The following SLC25A48 variants were observed in gnomAD, a reference collection of about 807,000 sequenced individuals.
The protein encoded by SLC25A48 is solute carrier family 25 member 48, also known as CTC-321K16.1.
In SLC25A48, 29 loss-of-function variants were observed where a neutral mutation model predicts 32.2. The observed-to-expected ratio is 0.90, with a 90% CI of 0.67 to 1.23. The LOEUF is 1.23. SLC25A48 is among the 50% of genes most tolerant of loss of function. The probability of loss-of-function intolerance (pLI) is 0.00; values close to 1 mark genes in which losing one functional copy is unlikely to be tolerated. For synonymous variants in SLC25A48, 164 were observed against 172.3 expected, an observed-to-expected ratio of 0.95 and a Z score of 0.38; for missense variants, 399 against 422.7, an observed-to-expected ratio of 0.94 and a Z score of 0.49.
At chr5:135,836,358 CTT>C (rs10710326) in intron 1 of SLC25A48, among the ~76,000 whole-genome samples, 7,954 of 145,452 alleles carry the variant, frequency 0.055, 432 homozygotes, top group African/African-American at 0.14. Context: ...AATAACATGG[CTT>C]TTTTTTTTTT....
intron 3 of SLC25A48, among the ~76,000 whole-genome samples, chr5:135,748,677 A>G (rs557808030): frequency 6.5e-4 from 99 of 151,866 alleles, no homozygotes; most frequent in African/African-American, 2.2e-3. Flanking sequence ...TTCTGACCAC[A>G]GGATCTTTTT....
At chr5:135,759,915 C>T (rs922715590) in intron 3 of SLC25A48, among the ~76,000 whole-genome samples, 5 of 151,734 alleles carry the variant, frequency 3.3e-5, no homozygotes, top group African/African-American at 7.3e-5. Flanking sequence ...CTGCAACCTC[C>T]GCCTCCCAGG....
intron 3 of SLC25A48, among the ~76,000 whole-genome samples, chr5:135,653,238 G>T (rs1400998069): frequency 6.6e-6 from 1 of 152,202 alleles, no homozygotes; most frequent in East Asian, 1.9e-4. Flanking sequence ...CAAGGCCACT[G>T]AATCAAAAGG....
intron 3 of SLC25A48, among the ~76,000 whole-genome samples, chr5:135,651,886 G>A (rs1753122395): frequency 6.6e-6 from 1 of 152,174 alleles, no homozygotes; most frequent in Non-Finnish European, 1.5e-5. Context: ...TGGAAGATTA[G>A]TGATAATAAA....
At chr5:135,710,069 C>T (rs1320340613) in intron 3 of SLC25A48, among the ~76,000 whole-genome samples, 1 of 152,192 alleles carries the variant, frequency 6.6e-6, no homozygotes, top group African/African-American at 2.4e-5. Context: ...CCAATATAAG[C>T]TGGTAAAAGC....
At chr5:135,819,840 A>G (rs1209796245) in intron 4 of SLC25A48, among the ~76,000 whole-genome samples, 1 of 152,234 alleles carries the variant, frequency 6.6e-6, no homozygotes, top group Non-Finnish European at 1.5e-5. Context: ...GCTCAACATC[A>G]TTAGTCATCA....
Position 135,879,950 on chromosome 5 carries a change from C to A in SLC25A48, c.814-18C>A, listed in dbSNP as rs1239153426. 1.3e-6 allele frequency: 2 copies of A among 1,536,186 alleles called. No homozygotes were observed. The highest frequency in any genetic ancestry group is 2.4e-5 in the South Asian group (2 of 84,050). ...AGTGTGGGTCAGTCCCCTGCAATAA[C>A]CTGGCCCCTGTGCAAAGGTGTTTTT... On this transcript the variant is annotated intron_variant, in intron 6 of 7. Transcript: ENST00000681962.
intron 3 of SLC25A48, among the ~76,000 whole-genome samples, chr5:135,727,665 TTC>T (rs1012595107): frequency 6.6e-6 from 1 of 152,220 alleles, no homozygotes; most frequent in Non-Finnish European, 1.5e-5. Flanking sequence ...AAAGACTATC[TTC>T]TCTCTGTTGA....
intron 3 of SLC25A48, among the ~76,000 whole-genome samples, chr5:135,655,389 T>C (rs958616156): frequency 6.6e-6 from 1 of 152,158 alleles, no homozygotes; most frequent in Middle Eastern, 3.2e-3. Context: ...AAAAGTTAAG[T>C]AGCTAGAAAA....
chr5:135,682,668 T>C (rs1168522617), intron 3 of SLC25A48, among the ~76,000 whole-genome samples: 1 of 152,156 alleles, frequency 6.6e-6, no homozygotes, highest in Non-Finnish European at 1.5e-5. Flanking sequence ...AAAAAAGGGC[T>C]GCTGGGTGGG....
chr5:135,580,861 GC>G (rs1189422321), intron 1 of SLC25A48, among the ~76,000 whole-genome samples: 1 of 152,082 alleles, frequency 6.6e-6, no homozygotes, highest in Admixed American at 6.5e-5. Context: ...TTAATAACCT[GC>G]TTGCTATACC....
intron 4 of SLC25A48, among the ~76,000 whole-genome samples, chr5:135,867,776 T>C (rs1275917172): frequency 1.3e-5 from 2 of 152,202 alleles, no homozygotes; most frequent in Non-Finnish European, 2.9e-5. Context: ...ATATTTATGC[T>C]TGGAATTATA....
At chr5:135,768,524 A>G (rs1260591829) in intron 3 of SLC25A48, among the ~76,000 whole-genome samples, 1 of 151,588 alleles carries the variant, frequency 6.6e-6, no homozygotes, top group African/African-American at 2.4e-5. Flanking sequence ...GGGGAGGATA[A>G]TATTACTCTT....
At chr5:135,643,482 C>G (rs540685976) in intron 3 of SLC25A48, among the ~76,000 whole-genome samples, 67 of 152,306 alleles carry the variant, frequency 4.4e-4, no homozygotes, top group African/African-American at 1.6e-3. Context: ...CATCACTGCA[C>G]AGAAGAGCAT....
intron 1 of SLC25A48, among the ~76,000 whole-genome samples, chr5:135,582,857 C>T (rs529569109): frequency 2.6e-4 from 40 of 152,328 alleles, no homozygotes; most frequent in African/African-American, 9.6e-4. Context: ...ATTCACCATC[C>T]AGTTCTAATC....
chr5:135,767,043 C>T (rs1215166782), intron 3 of SLC25A48, among the ~76,000 whole-genome samples: 1 of 151,658 alleles, frequency 6.6e-6, no homozygotes, highest in African/African-American at 2.4e-5. Flanking sequence ...GTGTACATCC[C>T]CCTGTGATAT....
rs575163366 is a variant in SLC25A48 at position 135,664,395 on chromosome 5, C to T, written c.-521+29439C>T. Among the ~76,000 whole-genome samples the T allele has an allele frequency of 1.3e-3, 203 of 152,262 alleles. 1 individual carries two copies. Among genetic ancestry groups the T allele is most frequent in the African/African-American group, 4.7e-3 (196 of 41,556 alleles). On this transcript the variant is annotated intron_variant, in intron 3 of 10. Coordinates refer to the SLC25A48 transcript ENST00000646290. ...CTGCATTCCAGTGGTGAGCATGGAC[C>T]GATCTAGAATGGACCTTCTGTTGTA...
At chr5:135,749,237 T>C (rs1755713641) in intron 3 of SLC25A48, among the ~76,000 whole-genome samples, 1 of 151,672 alleles carries the variant, frequency 6.6e-6, no homozygotes, top group South Asian at 2.1e-4. Flanking sequence ...CCCTTGCTTC[T>C]CACCCCTCCC....
intron 3 of SLC25A48, among the ~76,000 whole-genome samples, chr5:135,802,619 G>A (rs150173653): frequency 3.3e-5 from 5 of 150,730 alleles, no homozygotes; most frequent in Middle Eastern, 3.5e-3. Context: ...ATCACAGTAG[G>A]GGTACACCAT....
Sources: gnomAD v4.1 joint callset for allele counts (sites outside exome capture counted in the v4.1 genomes callset) on GRCh38, gnomAD v4.1.1 for gene constraint, MANE v1.5 for transcripts, NCBI Gene and HGNC (gene_info 2026-07-23, HGNC 2026-07-21) for gene names.